Variants in CHRAC1 observed in about 807,000 individuals in gnomAD.
CHRAC1 encodes the protein chromatin accessibility complex subunit 1.
Under a neutral mutation model 9.1 loss-of-function variants are expected in CHRAC1, and 6 were observed. That is an observed-to-expected ratio of 0.66 (90% confidence interval 0.36 to 1.29). The LOEUF (loss-of-function observed/expected upper bound fraction) is 1.29, where lower values mean the gene tolerates loss of function less well. Ranked by LOEUF, CHRAC1 falls within the 50% of genes most tolerant of loss-of-function variation. The pLI, the probability that CHRAC1 is intolerant of heterozygous loss-of-function variation, is 0.03. For synonymous variants in CHRAC1, 73 were observed against 64.5 expected, an observed-to-expected ratio of 1.13 and a Z score of -0.63; for missense variants, 168 against 163.5, an observed-to-expected ratio of 1.03 and a Z score of -0.15.
intron 1 of CHRAC1, among the ~76,000 whole-genome samples, chr8:140,514,119 T>G (rs1386177357): frequency 6.6e-6 from 1 of 151,666 alleles, no homozygotes; most frequent in East Asian, 1.9e-4. Flanking sequence ...TTGGCCAGTC[T>G]GGTCTCAAAC....
chr8:140,515,254 A>T lies in CHRAC1; in HGVS notation c.*7A>T. ...TGATGAAGCTGACTCCTAAACCAAA[A>T]GTGCTTTAAAAACCAGCCTGGCGAG... is the stretch of plus-strand genomic sequence containing the variant. On this transcript the variant is annotated 3_prime_UTR_variant, in exon 3 of 3. Transcript: ENST00000220913. 6.2e-7 allele frequency: 1 copy of T among 1,613,304 alleles called. No homozygotes were observed. Among genetic ancestry groups the T allele is most frequent in the Non-Finnish European group, 8.5e-7 (1 of 1,179,778 alleles).
chr8:140,512,396 A>G (rs72694414), intron 1 of CHRAC1, among the ~76,000 whole-genome samples: 4,596 of 152,322 alleles, frequency 0.03, 115 homozygotes, highest in Non-Finnish European at 0.043. Flanking sequence ...GAGGCAGCAC[A>G]TTCCCCAACC....
intron 2 of CHRAC1, 156 bp from the exon 3 acceptor site, chr8:140,514,970 T>TAGA: frequency 1.4e-6 from 1 of 717,316 alleles, no homozygotes; most frequent in East Asian, 2.6e-5. Context: ...CAATGCTAGT[T>TAGA]TCTTTGATAT....
intron 1 of CHRAC1, among the ~76,000 whole-genome samples, chr8:140,512,594 C>T (rs1459098445): frequency 6.6e-6 from 1 of 152,176 alleles, no homozygotes; most frequent in South Asian, 2.1e-4. Flanking sequence ...GTCTTGGATT[C>T]TATTTTCCAG....
Position 140,511,397 on chromosome 8 carries a change from G to T in CHRAC1, c.-103G>T. On this transcript the variant is annotated 5_prime_UTR_variant, in exon 1 of 3. Coordinates refer to ENST00000220913, the MANE Select transcript of CHRAC1 (RefSeq NM_017444.6). ...CGCCTCCCCACACTACAACTCCCAC[G>T]GGGCAGCGGGCGCGGCTCCCCGTAC... The T allele has an allele frequency of 9.3e-7, 1 of 1,080,882 alleles. No individual in the cohort carries two copies. The highest frequency in any genetic ancestry group is 1.2e-6 in the Non-Finnish European group (1 of 832,170). 67.0% of individuals were successfully genotyped at this position (1,080,882 alleles called of 1,614,324 possible).
chr8:140,511,951 C>T (rs1266047482), intron 1 of CHRAC1: 3 of 1,293,528 alleles, frequency 2.3e-6, no homozygotes, highest in South Asian at 2.5e-5. Context: ...CCGCCCCTTC[C>T]TTCCGTGCGC....
intron 1 of CHRAC1, among the ~76,000 whole-genome samples, chr8:140,513,913 CTTTTTTTT>C (rs57880666): frequency 6.9e-5 from 6 of 87,474 alleles, no homozygotes; most frequent in African/African-American, 8.7e-5. Context: ...CCAGTGATTT[CTTTTTTTT>C]TTTTTTTTTT....
chr8:140,516,712 A>G lies in CHRAC1; in HGVS notation c.*1465A>G, dbSNP rs1564060147. 1.3e-5 allele frequency: 2 copies of G among 152,116 alleles called. No individual in the cohort carries two copies. Among genetic ancestry groups the G allele is most frequent in the South Asian group, 4.1e-4 (2 of 4,830 alleles). The allele number at this position is 152,116 out of a possible 1,614,324, so 9.4% of individuals were successfully genotyped here. The stretch of plus-strand genomic sequence containing the variant: ...TATTTTAAAATCTACTTTTTGGTGT[A>G]CAGTTCTGAGTTTTGGCAAATGCAG... On this transcript the variant is annotated 3_prime_UTR_variant, in exon 3 of 3. Coordinates refer to ENST00000220913, the MANE Select transcript of CHRAC1 (RefSeq NM_017444.6).
intron 1 of CHRAC1, among the ~76,000 whole-genome samples, chr8:140,513,670 C>T (rs1055839152): frequency 2.6e-5 from 4 of 151,876 alleles, no homozygotes; most frequent in African/African-American, 9.7e-5. Context: ...TGGTCTCGAT[C>T]TCCTGACCAT....
intron 1 of CHRAC1, among the ~76,000 whole-genome samples, chr8:140,512,314 G>A (rs992380378): frequency 4.6e-5 from 7 of 152,154 alleles, no homozygotes; most frequent in African/African-American, 1.7e-4. Context: ...TTTCCCGCGC[G>A]TGCGGTGCCA....
At chr8:140,514,190 G>A in intron 1 of CHRAC1, 179 bp from the exon 2 acceptor site, 2 of 574,240 alleles carry the variant, frequency 3.5e-6, no homozygotes, top group Non-Finnish European at 5.5e-6. Context: ...ACCAGCGTGA[G>A]CCACCACGCC....
intron 1 of CHRAC1, among the ~76,000 whole-genome samples, chr8:140,513,215 A>G (rs1042177557): frequency 2.6e-5 from 4 of 152,232 alleles, no homozygotes; most frequent in East Asian, 1.9e-4. Context: ...TGGCCCTGCT[A>G]TAAGAACTGG....
At chr8:140,511,878 C>G (rs1564057931) in intron 1 of CHRAC1, 1 of 812,400 alleles carries the variant, frequency 1.2e-6, no homozygotes, top group Admixed American at 2.2e-5. Context: ...CTCACGTTCT[C>G]CAGTTTCTTC....
At chr8:140,512,068 C>T in intron 1 of CHRAC1, 1 of 1,259,734 alleles carries the variant, frequency 7.9e-7, no homozygotes, top group Non-Finnish European at 1.0e-6. Flanking sequence ...TCCCTCCCAC[C>T]TGTGCGCTCA....
intron 2 of CHRAC1, 176 bp from the exon 3 acceptor site, chr8:140,514,950 C>A: frequency 1.6e-6 from 1 of 612,912 alleles, no homozygotes; most frequent in East Asian, 2.9e-5. Context: ...CTATAGCGTT[C>A]GTTAGGAGAC....
rs754971687 is a variant in CHRAC1, at chr8:140,511,460, G to A, written c.-40G>A. ...CGGGCAGGGCAGCCACTTCGCGGTC[G>A]GGCCCGCCGGCTGCGGGCACCCGCG... On this transcript the variant is annotated 5_prime_UTR_variant, in exon 1 of 3. Transcript: ENST00000220913. 5 of 1,296,990 alleles carry A rather than the reference G, an allele frequency of 3.9e-6. No homozygotes were observed. The highest frequency in any genetic ancestry group is 1.5e-5 in the African/African-American group (1 of 64,666). The allele number at this position is 1,296,990 out of a possible 1,614,324, so 80.3% of individuals were successfully genotyped here.
Position 140,511,497 on chromosome 8 carries a change from A to G in CHRAC1, c.-3A>G. 7.6e-7 allele frequency: 1 copy of G among 1,322,148 alleles called. No individual in the cohort carries two copies. The highest frequency in any genetic ancestry group is 9.8e-7 in the Non-Finnish European group (1 of 1,024,102). The allele number at this position is 1,322,148 out of a possible 1,614,324, so 81.9% of individuals were successfully genotyped here. On this transcript the variant is annotated 5_prime_UTR_variant, in exon 1 of 3. Transcript: ENST00000220913. ...TGCGGGCACCCGCGCGACGGGCGGG[A>G]AGATGGCGGACGTGGTCGTGGGTAA...
Position 140,511,482 on chromosome 8 carries a change from C to T in CHRAC1, c.-18C>T, listed in dbSNP as rs758040227. The T allele has an allele frequency of 1.5e-6, 2 of 1,312,910 alleles. No homozygotes were observed. The highest frequency in any genetic ancestry group is 2.1e-5 in the South Asian group (1 of 47,144). The allele number at this position is 1,312,910 out of a possible 1,614,324, so 81.3% of individuals were successfully genotyped here. A position where few individuals can be genotyped will look rare whatever the true frequency, so the allele number is the denominator to read the frequency against. On this transcript the variant is annotated 5_prime_UTR_variant, in exon 1 of 3. Transcript: ENST00000220913. ...GTCGGGCCCGCCGGCTGCGGGCACCCGCGCGACGGGCGGGAAGATGGCGGA... is the reference window on the plus strand; with the variant it reads ...GTCGGGCCCGCCGGCTGCGGGCACCTGCGCGACGGGCGGGAAGATGGCGGA...
chr8:140,514,615 C>T (rs1463189294), intron 2 of CHRAC1, 120 bp downstream of exon 2: 8 of 718,228 alleles, frequency 1.1e-5, no homozygotes, highest in Middle Eastern at 3.6e-4. Flanking sequence ...TTTTCCAAGC[C>T]GCAAAGTACT....
Sources: gnomAD v4.1 joint callset for allele counts (sites outside exome capture counted in the v4.1 genomes callset) on GRCh38, gnomAD v4.1.1 for gene constraint, MANE v1.5 for transcripts, NCBI Gene and HGNC (gene_info 2026-07-23, HGNC 2026-07-21) for gene names.